C1orf105: variants seen among roughly 807,000 people sequenced by gnomAD.
The protein encoded by C1orf105 is uncharacterized protein C1orf105.
Under a neutral mutation model 20.8 loss-of-function variants are expected in C1orf105, and 17 were observed. That is an observed-to-expected ratio of 0.82 (90% confidence interval 0.56 to 1.23). C1orf105 has a LOEUF of 1.23. Among genes scored for constraint, C1orf105 ranks in the 50% most tolerant of loss-of-function variants. The pLI, the probability that C1orf105 is intolerant of heterozygous loss-of-function variation, is 0.00. For synonymous variants in C1orf105, 72 were observed against 72.1 expected (o/e 1.00, Z 0.01); for missense variants, 219 against 213.5 (o/e 1.03, Z -0.16).
intron 6 of C1orf105, among the ~76,000 whole-genome samples, chr1:172,467,176 A>G (rs1001143047): frequency 2.0e-5 from 3 of 152,160 alleles, no homozygotes; most frequent in Non-Finnish European, 4.4e-5. Context: ...AGACATGTCC[A>G]TACTGTGGTA....
chr1:172,453,103 C>T (rs760058084), intron 3 of C1orf105: 156 of 1,550,774 alleles, frequency 1.0e-4, no homozygotes, highest in African/African-American at 5.3e-4. Flanking sequence ...CTGCCTTCCA[C>T]GACTCTTCAA....
intron 1 of C1orf105, chr1:172,444,271 C>T (rs1647713109): frequency 1.0e-6 from 1 of 985,318 alleles, no homozygotes; most frequent in Non-Finnish European, 1.2e-6. Flanking sequence ...TGGGATGTGC[C>T]ATCTGAAGGA....
intron 3 of C1orf105, among the ~76,000 whole-genome samples, chr1:172,454,953 C>T (rs1482754950): frequency 6.6e-6 from 1 of 152,134 alleles, no homozygotes; most frequent in Admixed American, 6.5e-5. Flanking sequence ...CTTTTGTCTT[C>T]CTTAGAAACT....
chr1:172,445,431 C>G (rs1471514320), intron 2 of C1orf105, among the ~76,000 whole-genome samples: 3 of 152,198 alleles, frequency 2.0e-5, no homozygotes, highest in Non-Finnish European at 4.4e-5. Context: ...CACTGTCTCT[C>G]AAAACACTTC....
At chr1:172,430,186 C>T (rs1171116819) in intron 1 of C1orf105, 3 of 541,864 alleles carry the variant, frequency 5.5e-6, no homozygotes, top group Non-Finnish European at 1.0e-5. Flanking sequence ...TACTTGCACC[C>T]TTTCAGTGTG....
intron 1 of C1orf105, among the ~76,000 whole-genome samples, chr1:172,432,707 C>T (rs2071909383): frequency 6.6e-6 from 1 of 152,238 alleles, no homozygotes; most frequent in African/African-American, 2.4e-5. Context: ...AGCGCCTCTT[C>T]TCCTCCAAAG....
At chr1:172,449,820 A>G (rs1476671799) in intron 3 of C1orf105, among the ~76,000 whole-genome samples, 1 of 152,198 alleles carries the variant, frequency 6.6e-6, no homozygotes, top group Non-Finnish European at 1.5e-5. Flanking sequence ...GGACTGGCTT[A>G]GCAATTGCTG....
chr1:172,453,351 T>C (rs1648878788), intron 3 of C1orf105, among the ~76,000 whole-genome samples: 1 of 152,208 alleles, frequency 6.6e-6, no homozygotes, highest in African/African-American at 2.4e-5. Context: ...GTCACCCAAG[T>C]TGTTTGTGAG....
chr1:172,457,140 G>T lies in C1orf105; in HGVS notation c.273+651G>T, dbSNP rs560586093. ...GAGGCCTGATTCAGGAAGGATGCTA[G>T]ACTAGGCTGGAGTTAGGCCTTCGGT... On this transcript the variant is annotated intron_variant, in intron 4 of 6. Coordinates refer to ENST00000367727, the MANE Select transcript of C1orf105 (RefSeq NM_139240.4). Among the ~76,000 whole-genome samples the T allele has an allele frequency of 5.3e-5, 8 of 152,330 alleles. No homozygotes were observed. In the South Asian group the frequency reaches 1.4e-3, roughly 28 times the overall value.
intron 4 of C1orf105, among the ~76,000 whole-genome samples, chr1:172,461,704 G>T (rs1163027573): frequency 6.6e-6 from 1 of 152,122 alleles, no homozygotes; most frequent in African/African-American, 2.4e-5. Flanking sequence ...TTAGCAGCTG[G>T]AAATACAAAA....
intron 4 of C1orf105, among the ~76,000 whole-genome samples, chr1:172,459,255 A>G (rs770668537): frequency 1.3e-5 from 2 of 152,150 alleles, no homozygotes; most frequent in African/African-American, 4.8e-5. Context: ...CGAAAAGACA[A>G]CCCAAATATT....
intron 1 of C1orf105, among the ~76,000 whole-genome samples, chr1:172,430,136 A>G (rs1166411335): frequency 6.6e-6 from 1 of 152,118 alleles, no homozygotes; most frequent in Non-Finnish European, 1.5e-5. Context: ...TTTCCCACAC[A>G]CACCACAGTA....
intron 1 of C1orf105, among the ~76,000 whole-genome samples, chr1:172,433,032 A>T (rs995537641): frequency 1.3e-5 from 2 of 152,370 alleles, no homozygotes; most frequent in Non-Finnish European, 1.5e-5. Flanking sequence ...TTGAGATCAA[A>T]TTAATGAAAT....
intron 3 of C1orf105, among the ~76,000 whole-genome samples, chr1:172,450,253 G>C (rs930195748): frequency 6.6e-6 from 1 of 152,166 alleles, no homozygotes; most frequent in East Asian, 1.9e-4. Context: ...TCCTGTTAGG[G>C]GCTGACCCTC....
intron 1 of C1orf105, among the ~76,000 whole-genome samples, chr1:172,436,243 TAA>T (rs2072036850): frequency 6.6e-6 from 1 of 152,174 alleles, no homozygotes; most frequent in Non-Finnish European, 1.5e-5. Flanking sequence ...AAAACTACTT[TAA>T]AGTTCATATG....
chr1:172,423,742 C>A (rs113218192), intron 1 of C1orf105, among the ~76,000 whole-genome samples: 2,944 of 151,882 alleles, frequency 0.019, 50 homozygotes, highest in Non-Finnish European at 0.03. Context: ...ATTCAGAATT[C>A]TATCAAATAA....
chr1:172,452,099 C>A (rs1288587298), intron 3 of C1orf105, among the ~76,000 whole-genome samples: 1 of 152,040 alleles, frequency 6.6e-6, no homozygotes, highest in African/African-American at 2.4e-5. Flanking sequence ...TCTCGAACTC[C>A]TGACCTCATG....
chr1:172,445,334 A>G (rs1647870041), intron 2 of C1orf105, among the ~76,000 whole-genome samples, 176 bp downstream of exon 2: 1 of 152,250 alleles, frequency 6.6e-6, no homozygotes. Flanking sequence ...ATCACTGAGT[A>G]TAGGCCTGGC....
At chr1:172,466,273 G>A (rs1458354555) in intron 6 of C1orf105, among the ~76,000 whole-genome samples, 1 of 152,138 alleles carries the variant, frequency 6.6e-6, no homozygotes, top group Non-Finnish European at 1.5e-5. Flanking sequence ...CGAGTGGAGT[G>A]AAAGTCTTCC....
Sources: allele counts gnomAD v4.1 joint callset (sites outside exome capture counted in the v4.1 genomes callset), GRCh38; gene constraint gnomAD v4.1.1; transcripts MANE v1.5; gene names NCBI Gene and HGNC (gene_info 2026-07-23, HGNC 2026-07-21).